Variants in WDR19 observed in about 807,000 individuals in gnomAD.
WDR19 encodes WD repeat-containing protein 19.
Under a neutral mutation model 180.0 loss-of-function variants are expected in WDR19, and 121 were observed. The ratio of observed to expected loss-of-function variants is 0.67; its 90% CI spans 0.58 to 0.78. The LOEUF is 0.78. Ranked by LOEUF, WDR19 falls within the 30% of genes least tolerant of loss-of-function variation. WDR19 has a pLI of 0.00. For synonymous variants in WDR19, 497 were observed against 540.7 expected, an observed-to-expected ratio of 0.92 and a Z score of 1.12; for missense variants, 1,450 against 1,640.7, an observed-to-expected ratio of 0.88 and a Z score of 2.01.
intron 36 of WDR19, among the ~76,000 whole-genome samples, chr4:39,282,273 T>C (rs1736614847): frequency 6.6e-6 from 1 of 152,258 alleles, no homozygotes; most frequent in Admixed American, 6.5e-5. Context: ...ATCACAACAG[T>C]TAACATTGAT....
rs1026692441 is a variant in WDR19 at position 39,203,781 on chromosome 4, A to G, written c.603+59A>G. On this transcript the variant is annotated intron_variant, in intron 7 of 36. Transcript: ENST00000399820. Reference sequence around the variant, plus strand: ...TTTGGGTAATTTTGTGGAATGTATAATTTACTTTTCTTGGATGACTAAAAT... The same window carrying G: ...TTTGGGTAATTTTGTGGAATGTATAGTTTACTTTTCTTGGATGACTAAAAT... The G allele has an allele frequency of 4.7e-6, 7 of 1,480,368 alleles. No homozygotes were observed. In the African/African-American group the frequency reaches 8.3e-5, roughly 18 times the overall value. The allele number at this position is 1,480,368 out of a possible 1,614,324, so 91.7% of individuals were successfully genotyped here.
intron 25 of WDR19, among the ~76,000 whole-genome samples, chr4:39,253,532 C>T (rs1337219477): frequency 6.6e-6 from 1 of 152,102 alleles, no homozygotes; most frequent in Admixed American, 6.6e-5. Context: ...AATCCCAGCA[C>T]TTTGGGAGGC....
intron 24 of WDR19, among the ~76,000 whole-genome samples, chr4:39,246,389 G>A (rs150948694): frequency 1.3e-3 from 199 of 152,222 alleles, no homozygotes; most frequent in African/African-American, 4.2e-3. Flanking sequence ...TAAGATGGCC[G>A]AATAGGAACA....
intron 1 of WDR19, among the ~76,000 whole-genome samples, chr4:39,183,913 A>C (rs1725243524): frequency 6.6e-6 from 1 of 152,236 alleles, no homozygotes; most frequent in East Asian, 1.9e-4. Context: ...TCAGCCATTG[A>C]AGGTAATGAA....
At chr4:39,241,258 A>C (rs886480413) in intron 21 of WDR19, among the ~76,000 whole-genome samples, 2 of 152,106 alleles carry the variant, frequency 1.3e-5, no homozygotes, top group Non-Finnish European at 2.9e-5. Flanking sequence ...AATTTGAAAA[A>C]TCATCAAAAT....
intron 8 of WDR19, 21 bp from the exon 9 acceptor site, chr4:39,205,541 AT>A (rs768993752): frequency 6.2e-7 from 1 of 1,602,524 alleles, no homozygotes; most frequent in Non-Finnish European, 8.5e-7. Flanking sequence ...TGTTTACCAT[AT>A]TGTTGCCTTC....
At chr4:39,254,841 G>T (rs563753607) in intron 26 of WDR19, among the ~76,000 whole-genome samples, 1 of 152,096 alleles carries the variant, frequency 6.6e-6, no homozygotes, top group African/African-American at 2.4e-5. Flanking sequence ...CTGTGAATTT[G>T]ACTATTCATG....
intron 31 of WDR19, among the ~76,000 whole-genome samples, chr4:39,271,203 G>T (rs552295519): frequency 2.0e-5 from 3 of 152,064 alleles, no homozygotes; most frequent in Non-Finnish European, 4.4e-5. Flanking sequence ...GGCCAGAAAA[G>T]AATTTTTTAA....
chr4:39,191,207 C>T (rs945456398), intron 4 of WDR19, among the ~76,000 whole-genome samples: 9 of 152,158 alleles, frequency 5.9e-5, no homozygotes, highest in African/African-American at 1.9e-4. Context: ...CAAAAGCATA[C>T]CCACTGTTTG....
intron 15 of WDR19, among the ~76,000 whole-genome samples, chr4:39,226,434 T>A (rs1327962533): frequency 6.6e-6 from 1 of 152,230 alleles, no homozygotes; most frequent in African/African-American, 2.4e-5. Context: ...ATGTAAGCTT[T>A]TAGTATAGTG....
At chr4:39,256,898 T>G (rs1252518110) in intron 27 of WDR19, among the ~76,000 whole-genome samples, 1 of 152,142 alleles carries the variant, frequency 6.6e-6, no homozygotes, top group South Asian at 2.1e-4. Flanking sequence ...ATCATCTCCA[T>G]GCAAAACCAT....
chr4:39,256,823 G>T (rs1733806980), intron 27 of WDR19, among the ~76,000 whole-genome samples: 1 of 151,888 alleles, frequency 6.6e-6, no homozygotes, highest in Admixed American at 6.6e-5. Context: ...TCTCCATCTG[G>T]GTTCCTCTCT....
In WDR19 at chr4:39,185,744, G is replaced by T; in HGVS notation, c.25G>T (p.Glu9Ter). The change falls in exon 2 of 37, where the codon GAA becomes TAA. Residue 9 changes from glutamate to a stop codon, truncating the protein, a stop_gained. Coordinates refer to ENST00000399820, the MANE Select transcript of WDR19 (RefSeq NM_025132.4). LOFTEE classifies it high-confidence loss of function. ...TTTTTAGCGTATTTTCTCACTGCTA[G>T]AAAAGACTTGGCTTGGCGCACCAAT... is the stretch of plus-strand genomic sequence containing the variant. Reference protein sequence around the residue: MKRIFSLLEKTWLGAPIQF... With the variant: MKRIFSLL 6.4e-7 allele frequency: 1 copy of T among 1,557,410 alleles called. No homozygotes were observed. The highest frequency in any genetic ancestry group is 8.7e-7 in the Non-Finnish European group (1 of 1,149,774).
At chr4:39,254,179 G>A (rs1733533765) in intron 26 of WDR19, 149 bp downstream of exon 26, 2 of 669,576 alleles carry the variant, frequency 3.0e-6, no homozygotes, top group East Asian at 3.6e-5. Flanking sequence ...ATGTATCTAT[G>A]TTATGTGTTG....
At chr4:39,262,017 T>C (rs1187706860) in intron 28 of WDR19, among the ~76,000 whole-genome samples, 1 of 152,222 alleles carries the variant, frequency 6.6e-6, no homozygotes, top group Non-Finnish European at 1.5e-5. Context: ...CCTCCACAAT[T>C]CATTCCCAAA....
At chr4:39,273,603 G>A (rs1235601656) in intron 32 of WDR19, 4 of 152,624 alleles carry the variant, frequency 2.6e-5, no homozygotes, top group Non-Finnish European at 5.9e-5. Flanking sequence ...GGCACGGTGA[G>A]CCACTCATCA....
intron 35 of WDR19, 74 bp downstream of exon 35, chr4:39,278,281 C>A: frequency 7.2e-7 from 1 of 1,380,584 alleles, no homozygotes; most frequent in Non-Finnish European, 9.9e-7. Context: ...TCTTTTCTTC[C>A]GAAGCATTCT....
At chr4:39,262,269 G>A (rs757354115) in intron 28 of WDR19, among the ~76,000 whole-genome samples, 6 of 151,984 alleles carry the variant, frequency 3.9e-5, no homozygotes, top group Non-Finnish European at 7.4e-5. Flanking sequence ...TTTTCCCCCC[G>A]TTTTGAGACA....
At chr4:39,268,144 C>T in intron 30 of WDR19, 53 bp downstream of exon 30, 1 of 1,468,760 alleles carries the variant, frequency 6.8e-7, no homozygotes, top group Non-Finnish European at 9.3e-7. Context: ...AGAATCAAGC[C>T]CCAGCCCCTT....
Sources: allele counts gnomAD v4.1 joint callset (sites outside exome capture counted in the v4.1 genomes callset), GRCh38; gene constraint gnomAD v4.1.1; transcripts MANE v1.5; gene names NCBI Gene and HGNC (gene_info 2026-07-23, HGNC 2026-07-21).